Variants in CDKN2C observed in about 807,000 individuals in gnomAD.
CDKN2C encodes cyclin-dependent kinase 4 inhibitor C.
A neutral mutation model predicts 11.0 loss-of-function variants in CDKN2C; 5 were observed. The observed-to-expected ratio is 0.45, with a 90% confidence interval of 0.24 to 0.95. The LOEUF (loss-of-function observed/expected upper bound fraction) is 0.95. Among genes scored for constraint, CDKN2C ranks in the 40% least tolerant of loss-of-function variants. The probability of loss-of-function intolerance (pLI) is 0.21; values close to 1 mark genes in which losing one functional copy is unlikely to be tolerated. For synonymous variants in CDKN2C, 79 were observed against 88.3 expected (o/e 0.89, Z 0.59); for missense variants, 161 against 211.9 (o/e 0.76, Z 1.49).
rs1395726746 is a variant in CDKN2C at position 50,974,295 on chromosome 1, G to C, written c.*25G>C. On this transcript the variant is annotated 3_prime_UTR_variant, in exon 2 of 2. Coordinates refer to ENST00000371761, the MANE Select transcript of CDKN2C (RefSeq NM_078626.3). ...AACGTGGGGAGGGCTCCCCCACGTTGCCTCTACTTTATCAATTAACTGAGT... is the reference window on the plus strand; with the variant it reads ...AACGTGGGGAGGGCTCCCCCACGTTCCCTCTACTTTATCAATTAACTGAGT... 6.6e-7 allele frequency: 1 copy of C among 1,524,854 alleles called. No homozygotes were observed. Among genetic ancestry groups the C allele is most frequent in the East Asian group, 2.3e-5 (1 of 44,178 alleles). 94.5% of individuals were successfully genotyped at this position (1,524,854 alleles called of 1,614,324 possible). A position where few individuals can be genotyped will look rare whatever the true frequency, so the allele number is the denominator to read the frequency against.
chr1:50,965,177 A>G (rs1645342021), intron 1 of CDKN2C, among the ~76,000 whole-genome samples: 1 of 151,862 alleles, frequency 6.6e-6, no homozygotes, highest in South Asian at 2.1e-4. Context: ...TGGGTTGCTT[A>G]CTGGGCTTTT....
chr1:50,970,843 G>T lies in CDKN2C; in HGVS notation c.129+346G>T, dbSNP rs1334234054. 1.3e-5 allele frequency among the ~76,000 whole-genome samples: 2 copies of T among 152,114 alleles called. 1 individual carries two copies. Among genetic ancestry groups the T allele is most frequent in the Non-Finnish European group, 2.9e-5 (2 of 68,014 alleles). On this transcript the variant is annotated intron_variant, in intron 1 of 1. Transcript: ENST00000371761. ...GACAGCTCTGTAAACACATTATTAT[G>T]ATTATTATTTGAAGTAAATACACTG...
rs200391870 is a variant in CDKN2C at position 50,974,057 on chromosome 1, C to T, written c.294C>T (p.Ile98=). 1.9e-6 allele frequency: 3 copies of T among 1,614,008 alleles called. No homozygotes were observed. The highest frequency in any genetic ancestry group is 1.6e-4 in the Middle Eastern group (1 of 6,084). The part of the protein sequence containing the change: ...TLLEFQADVN[I]EDNEGNLPLH... ...TGGAGTTTCAAGCTGATGTTAACAT[C>T]GAGGATAATGAAGGGAACCTGCCCT... Residue 98 remains isoleucine (I), a synonymous_variant, in exon 2 of 2, where the codon ATC becomes ATT. Coordinates refer to ENST00000371761, the MANE Select transcript of CDKN2C (RefSeq NM_078626.3).
At chr1:50,970,133 A>G (rs985589920), upstream of CDKN2C, 4 of 568,720 alleles carry the variant, frequency 7.0e-6, no homozygotes, top group Non-Finnish European at 1.3e-5. Flanking sequence ...TAAAAAAGCG[A>G]GGCGAGGAGC....
In CDKN2C at chr1:50,970,412, G is replaced by C. The variant is rs548300689; in HGVS notation, c.44G>C (p.Arg15Thr). ...WGNELASAAARGDLEQLTSLL... is the reference protein window; with the variant it reads ...WGNELASAAATGDLEQLTSLL... The stretch of plus-strand genomic sequence containing the variant: ...AACGAGTTGGCGTCCGCAGCTGCCA[G>C]GGGGGACCTAGAGCAACTTACTAGT... Residue 15 changes from arginine (R) to threonine (T), a missense_variant, in exon 1 of 2, where the codon AGG becomes ACG. Arg to Thr is a moderately conservative substitution (Grantham distance 71). Transcript: ENST00000371761. 2.2e-5 allele frequency: 35 copies of C among 1,613,894 alleles called. No individual in the cohort carries two copies. The highest frequency in any genetic ancestry group is 2.7e-5 in the Non-Finnish European group (32 of 1,179,932).
Position 50,974,342 on chromosome 1 carries a change from C to T in CDKN2C, c.*72C>T, listed in dbSNP as rs964971453. ...GAGTAGCTCTCCTGACTTTTAATGT[C>T]ATTTGTTAAAATACAGTTCTGTCAT... On this transcript the variant is annotated 3_prime_UTR_variant, in exon 2 of 2. Transcript: ENST00000371761. 64 of 1,432,716 alleles carry T rather than the reference C, an allele frequency of 4.5e-5. No individual in the cohort carries two copies. The East Asian group carries it at 9.2e-4, about 21-fold the overall frequency. 88.8% of individuals were successfully genotyped at this position (1,432,716 alleles called of 1,614,324 possible). A position where few individuals can be genotyped will look rare whatever the true frequency, so the allele number is the denominator to read the frequency against.
At chr1:50,971,652 T>C (rs1338054919) in intron 1 of CDKN2C, among the ~76,000 whole-genome samples, 1 of 152,172 alleles carries the variant, frequency 6.6e-6, no homozygotes, top group Non-Finnish European at 1.5e-5. Flanking sequence ...AAGTAACAAA[T>C]TTAATATATT....
Position 50,970,292 on chromosome 1 carries a change from G to T in CDKN2C, c.-77G>T. ...TGTCAGTCTCCGATGCCATCATGCA[G>T]CCTGGTTAGGAGCAAAGGAAAGGGG... is the stretch of plus-strand genomic sequence containing the variant. On this transcript the variant is annotated 5_prime_UTR_variant, in exon 1 of 2. Coordinates refer to ENST00000371761, the MANE Select transcript of CDKN2C (RefSeq NM_078626.3). 1 of 1,576,528 alleles carries T rather than the reference G, an allele frequency of 6.3e-7. No individual in the cohort carries two copies.
upstream of CDKN2C, chr1:50,969,830 A>G (rs1333259243): frequency 5.1e-6 from 1 of 194,412 alleles, no homozygotes; most frequent in Non-Finnish European, 1.1e-5. The surrounding 1 kb of genome is among the most constrained non-coding windows in gnomAD (Gnocchi z 6.6). Flanking sequence ...ACGGATGGAA[A>G]CCGAGCCCCC....
At chr1:50,962,866 T>C (rs1287958082) in intron 1 of CDKN2C, among the ~76,000 whole-genome samples, 1 of 152,210 alleles carries the variant, frequency 6.6e-6, no homozygotes, top group East Asian at 1.9e-4. Context: ...ATGGAAAATA[T>C]AAAATATTGG....
upstream of CDKN2C, chr1:50,969,948 T>C (rs754915762): frequency 4.1e-6 from 1 of 246,900 alleles, no homozygotes; most frequent in Non-Finnish European, 8.0e-6. The surrounding 1 kb of genome is among the most constrained non-coding windows in gnomAD (Gnocchi z 6.6). Flanking sequence ...TTCCGCGGTA[T>C]TTTCTGCCCC....
At chr1:50,966,258 G>A (rs374647070), upstream of CDKN2C, among the ~76,000 whole-genome samples, 9 of 152,118 alleles carry the variant, frequency 5.9e-5, no homozygotes, top group East Asian at 1.7e-3. Context: ...GGCCAGGCTG[G>A]TCTCGAACTC....
rs2147958961 is a variant in CDKN2C at position 50,974,578 on chromosome 1, T to C, written c.*308T>C. On this transcript the variant is annotated 3_prime_UTR_variant, in exon 2 of 2. Coordinates refer to ENST00000371761, the MANE Select transcript of CDKN2C (RefSeq NM_078626.3). ...CTCAACACCCAAGTTGAAGACTTTG[T>C]TTTTAAAATGGTTTGTCCTGATGCT... 3.2e-6 allele frequency: 1 copy of C among 309,784 alleles called. No homozygotes were observed. Among genetic ancestry groups the C allele is most frequent in the Admixed American group, 4.5e-5 (1 of 22,252 alleles). The allele number at this position is 309,784 out of a possible 1,614,324, so 19.2% of individuals were successfully genotyped here.
upstream of CDKN2C, among the ~76,000 whole-genome samples, chr1:50,966,323 G>A (rs571024316): frequency 2.6e-5 from 4 of 152,232 alleles, no homozygotes; most frequent in East Asian, 7.7e-4. Flanking sequence ...GATTATAGGC[G>A]TGAGCCACTG....
chr1:50,969,571 G>C (rs1254856046), upstream of CDKN2C: 1 of 152,292 alleles, frequency 6.6e-6, no homozygotes, highest in East Asian at 1.9e-4. This position sits in a 1 kb window ranked among gnomAD's most constrained non-coding sequence, Gnocchi z 6.6. Context: ...GGCTGCGGCT[G>C]CCTGGCGGGC....
At chr1:50,964,928 C>T (rs1477476485) in intron 1 of CDKN2C, among the ~76,000 whole-genome samples, 1 of 152,026 alleles carries the variant, frequency 6.6e-6, no homozygotes, top group African/African-American at 2.4e-5. Flanking sequence ...GTGGTGCGCA[C>T]CTGTAATCCC....
At chr1:50,968,198 G>A, upstream of CDKN2C, 1 of 102,336 alleles carries the variant, frequency 9.8e-6, no homozygotes. Context: ...CGCGCCTAGA[G>A]GAGGCAGCAG....
At chr1:50,968,167 A>C (rs982157532), upstream of CDKN2C, 2 of 128,246 alleles carry the variant, frequency 1.6e-5, no homozygotes, top group Non-Finnish European at 3.3e-5. Context: ...TCAGCGAAGG[A>C]CGCCGAGTTT....
At chr1:50,967,874 C>T (rs565319123), upstream of CDKN2C, 6 of 152,350 alleles carry the variant, frequency 3.9e-5, no homozygotes, top group Admixed American at 1.3e-4. Context: ...AAACACTTCA[C>T]ACGACTTATT....
Sources: allele counts gnomAD v4.1 joint callset (sites outside exome capture counted in the v4.1 genomes callset), GRCh38; gene constraint gnomAD v4.1.1; non-coding constraint Gnocchi (gnomAD v3.1); transcripts MANE v1.5; gene names NCBI Gene and HGNC (gene_info 2026-07-23, HGNC 2026-07-21).